FGFR1: variants seen among roughly 807,000 people sequenced by gnomAD.
The protein encoded by FGFR1 is fibroblast growth factor receptor 1, also known as FGFR1/PLAG1 fusion.
Under a neutral mutation model 93.7 loss-of-function variants are expected in FGFR1, and 18 were observed. That is an observed-to-expected ratio of 0.19 (90% confidence interval 0.13 to 0.28). FGFR1 has a LOEUF of 0.28. Ranked by LOEUF, FGFR1 falls within the 10% of genes least tolerant of loss-of-function variation. The pLI is 1.00. For missense variants in FGFR1, 731 were observed against 1,080.4 expected (o/e 0.68, Z 4.53); for synonymous variants, 448 against 429.3 (o/e 1.04, Z -0.54).
In FGFR1 at chr8:38,424,201, G is replaced by T. The variant is rs1819877302; in HGVS notation, c.936+308C>A. ...GGCTCTGGTTTCGGGCAATGAAAAG[G>T]CAGGGGTCCAAATGCCTTCCTTGTG... On this transcript the variant is annotated intron_variant, in intron 7 of 17. Coordinates refer to ENST00000447712, the MANE Select transcript of FGFR1 (RefSeq NM_023110.3). The surrounding 1 kb of genome is among the most constrained non-coding windows in gnomAD (Gnocchi z 4.3). 7.7e-6 allele frequency: 4 copies of T among 517,440 alleles called. No individual in the cohort carries two copies. The highest frequency in any genetic ancestry group is 5.8e-5 in the South Asian group (3 of 51,482). 32.1% of individuals were successfully genotyped at this position (517,440 alleles called of 1,614,324 possible).
Position 38,429,719 on chromosome 8 carries a change from C to CGAG in FGFR1, c.318_320dup (p.Ser107dup). On this transcript the variant is annotated inframe_insertion, in exon 3 of 18. Transcript: ENST00000447712. This position sits in a 1 kb window ranked among gnomAD's most constrained non-coding sequence, Gnocchi z 4.4. ...CGGAGAAGTAGGTGGTGTCACTGCC[C>CGAG]GAGGGGCTGCTGGTTACGCAAGCAT... 1.3e-6 allele frequency: 2 copies of CGAG among 1,576,116 alleles called. No individual in the cohort carries two copies. The highest frequency in any genetic ancestry group is 1.7e-6 in the Non-Finnish European group (2 of 1,160,586).
At position 38,424,554 on chromosome 8, in the gene FGFR1, C is replaced by T. The variant is rs774652525; in HGVS notation, c.891G>A (p.Gly297=). The change falls in exon 7 of 18, where the codon GGG becomes GGA. Residue 297 remains glycine (G), a synonymous_variant. Transcript: ENST00000447712. This position sits in a 1 kb window ranked among gnomAD's most constrained non-coding sequence, Gnocchi z 4.3. ...GCAGGTTGTCTGGGCCAATCTTGCTCCCATTCACCTCGATGTGCTTTAGCC... is the reference window on the plus strand; with the variant it reads ...GCAGGTTGTCTGGGCCAATCTTGCTTCCATTCACCTCGATGTGCTTTAGCC... ...IQWLKHIEVN[G]SKIGPDNLPY... is the part of the protein sequence containing the mutation. The T allele has an allele frequency of 1.9e-6, 3 of 1,614,212 alleles. No individual in the cohort carries two copies. Among genetic ancestry groups the T allele is most frequent in the Admixed American group, 3.3e-5 (2 of 60,016 alleles).
chr8:38,456,870 G>A (rs1832983559), intron 2 of FGFR1, among the ~76,000 whole-genome samples: 1 of 151,998 alleles, frequency 6.6e-6, no homozygotes, highest in Non-Finnish European at 1.5e-5. Context: ...TATGCCTGGC[G>A]AAGATGTGGC....
At chr8:38,431,466 C>T (rs1185530017) in intron 2 of FGFR1, among the ~76,000 whole-genome samples, 1 of 152,254 alleles carries the variant, frequency 6.6e-6, no homozygotes, top group Non-Finnish European at 1.5e-5. Flanking sequence ...ATAAATACCA[C>T]ACGTGCAGTC....
At position 38,426,253 on chromosome 8, in the gene FGFR1, G is replaced by A. The variant is rs1563496246; in HGVS notation, c.622-8C>T. 1.2e-6 allele frequency: 2 copies of A among 1,614,062 alleles called. No homozygotes were observed. The highest frequency in any genetic ancestry group is 1.7e-6 in the Non-Finnish European group (2 of 1,179,998). On this transcript the variant is annotated splice_region_variant and splice_polypyrimidine_tract_variant and intron_variant, in intron 5 of 17. Transcript: ENST00000447712. The surrounding 1 kb of genome is among the most constrained non-coding windows in gnomAD (Gnocchi z 4.1). ...CCAGGTGGCATAACGGACCTGAGGG[G>A]AAATGCCAAAGGGATACATTGAGGG...
chr8:38,442,915 C>T (rs1032530850), intron 2 of FGFR1, among the ~76,000 whole-genome samples: 7 of 152,238 alleles, frequency 4.6e-5, no homozygotes, highest in Non-Finnish European at 8.8e-5. Context: ...CGTCTCATTC[C>T]TGCAATGGTG....
intron 2 of FGFR1, among the ~76,000 whole-genome samples, chr8:38,447,549 T>A (rs1829751884): frequency 6.6e-6 from 1 of 152,144 alleles, no homozygotes; most frequent in South Asian, 2.1e-4. Flanking sequence ...TGGTGCAATC[T>A]CAGCTCACTG....
chr8:38,456,617 C>G (rs916099008), intron 2 of FGFR1, among the ~76,000 whole-genome samples: 1 of 152,144 alleles, frequency 6.6e-6, no homozygotes, highest in African/African-American at 2.4e-5. Flanking sequence ...CAGGCTGGAG[C>G]GCAGTAGTGC....
intron 1 of FGFR1, among the ~76,000 whole-genome samples, chr8:38,467,257 CATAAG>C (rs1201054356): frequency 2.0e-5 from 3 of 152,106 alleles, no homozygotes; most frequent in Non-Finnish European, 4.4e-5. Flanking sequence ...CCGTCCAAGT[CATAAG>C]ATCACCCCTT....
intron 2 of FGFR1, among the ~76,000 whole-genome samples, chr8:38,442,155 T>C (rs141435120): frequency 1.1e-3 from 163 of 152,234 alleles, no homozygotes; most frequent in African/African-American, 3.5e-3. Context: ...TGCACGATAA[T>C]AGAAAGCTCC....
intron 2 of FGFR1, among the ~76,000 whole-genome samples, chr8:38,443,241 A>G (rs967324000): frequency 6.6e-6 from 1 of 152,198 alleles, no homozygotes; most frequent in African/African-American, 2.4e-5. Flanking sequence ...AAGAAATGAT[A>G]AATATTTAAA....
rs1340003441 is a variant in FGFR1 at position 38,414,541 on chromosome 8, T to C, written c.2048+18A>G. ...TCTCTATCCCACACCTCCCTGGCAA[T>C]TGCTATTACAAACTCACACATCACT... is the stretch of plus-strand genomic sequence containing the variant. On this transcript the variant is annotated intron_variant, in intron 15 of 17. Transcript: ENST00000447712. The C allele has an allele frequency of 2.5e-6, 4 of 1,613,678 alleles. No individual in the cohort carries two copies. Among genetic ancestry groups the C allele is most frequent in the East Asian group, 2.2e-5 (1 of 44,892 alleles).
intron 1 of FGFR1, among the ~76,000 whole-genome samples, chr8:38,462,503 A>G (rs1834626042): frequency 1.3e-5 from 2 of 149,992 alleles, no homozygotes; most frequent in African/African-American, 4.9e-5. Context: ...ACTCCGTCTC[A>G]AAAAAAAAAA....
chr8:38,441,524 C>G (rs1322237584), intron 2 of FGFR1, among the ~76,000 whole-genome samples: 2 of 152,216 alleles, frequency 1.3e-5, no homozygotes, highest in African/African-American at 4.8e-5. Context: ...GTACAGAAAA[C>G]TCTTACTACA....
chr8:38,447,146 CA>C (rs1563587428), intron 2 of FGFR1, among the ~76,000 whole-genome samples: 140 of 139,194 alleles, frequency 1.0e-3, no homozygotes, highest in East Asian at 9.0e-3. Context: ...CACACACACA[CA>C]CACACCCCTG....
At chr8:38,414,363 A>C (rs1463702771) in intron 15 of FGFR1, 74 bp from the exon 16 acceptor site, 2 of 1,608,042 alleles carry the variant, frequency 1.2e-6, no homozygotes, top group Admixed American at 1.7e-5. Context: ...TCCTCTACCC[A>C]GGGCAGTGCC....
chr8:38,414,144 G>C lies in FGFR1; in HGVS notation c.2186+8C>G, dbSNP rs372639138. ...GGCTCAGGGCCTCCGACATCTCCTC[G>C]GGCTTACAGCTCGTTGGTGCAGTTA... On this transcript the variant is annotated splice_region_variant and intron_variant, in intron 16 of 17. Transcript: ENST00000447712. 1.2e-6 allele frequency: 2 copies of C among 1,614,098 alleles called. No homozygotes were observed. The highest frequency in any genetic ancestry group is 1.7e-6 in the Non-Finnish European group (2 of 1,180,006).
At chr8:38,449,309 G>A (rs545646865) in intron 2 of FGFR1, among the ~76,000 whole-genome samples, 45 of 152,088 alleles carry the variant, frequency 3.0e-4, no homozygotes, top group Middle Eastern at 3.4e-3. Flanking sequence ...TAAGGGACTA[G>A]GATAAAACAA....
At chr8:38,467,861 AG>A (rs1346394515) in intron 1 of FGFR1, 119 bp downstream of exon 1, 1 of 229,222 alleles carries the variant, frequency 4.4e-6, no homozygotes, top group Non-Finnish European at 8.7e-6. Context: ...CGGCGAGCGG[AG>A]GGAGGCGCCG....
Sources: gnomAD v4.1 joint callset for allele counts (sites outside exome capture counted in the v4.1 genomes callset) on GRCh38, gnomAD v4.1.1 for gene constraint, Gnocchi (gnomAD v3.1) non-coding constraint, MANE v1.5 for transcripts, NCBI Gene and HGNC (gene_info 2026-07-23, HGNC 2026-07-21) for gene names.